RSBN1: variants seen among roughly 807,000 people sequenced by gnomAD.
RSBN1 encodes the protein lysine-specific demethylase 9.
In RSBN1, 23 loss-of-function variants were observed where a neutral mutation model predicts 74.8. The observed-to-expected ratio is 0.31, with a 90% CI of 0.22 to 0.44. The LOEUF (loss-of-function observed/expected upper bound fraction) is 0.44. Ranked by LOEUF, RSBN1 falls within the 20% of genes least tolerant of loss-of-function variation. RSBN1 has a pLI of 1.00. For missense variants in RSBN1, 808 were observed against 1,020.9 expected, an observed-to-expected ratio of 0.79 and a Z score of 2.84; for synonymous variants, 407 against 379.6, an observed-to-expected ratio of 1.07 and a Z score of -0.84.
At chr1:113,795,739 A>C (rs1045536473) in intron 2 of RSBN1, among the ~76,000 whole-genome samples, 2 of 152,238 alleles carry the variant, frequency 1.3e-5, no homozygotes, top group Non-Finnish European at 2.9e-5. Context: ...ATTTTAAAAA[A>C]TTAATTGGAG....
At chr1:113,811,400 A>AT (rs1285752966) in intron 1 of RSBN1, among the ~76,000 whole-genome samples, 1 of 152,200 alleles carries the variant, frequency 6.6e-6, no homozygotes, top group Non-Finnish European at 1.5e-5. Flanking sequence ...TTGGAAAGGC[A>AT]TTTTTTAGTA....
chr1:113,796,451 A>T (rs1660473875), intron 2 of RSBN1: 1 of 152,318 alleles, frequency 6.6e-6, no homozygotes, highest in South Asian at 2.1e-4. Context: ...TGAAACCACT[A>T]TAATTCAGGC....
At chr1:113,767,016 G>A (rs1294179373) in intron 6 of RSBN1, 83 bp downstream of exon 6, 3 of 709,380 alleles carry the variant, frequency 4.2e-6, no homozygotes, top group East Asian at 2.9e-5. Flanking sequence ...CCACATATCA[G>A]ACTGTAAGAT....
In RSBN1 at chr1:113,805,679, T is replaced by C. The variant is rs113429854; in HGVS notation, c.703+6031A>G. 4.4e-3 allele frequency among the ~76,000 whole-genome samples: 667 copies of C among 152,362 alleles called. 2 individuals carry two copies. Among genetic ancestry groups the C allele is most frequent in the African/African-American group, 0.015 (643 of 41,594 alleles). On this transcript the variant is annotated intron_variant, in intron 1 of 6. Transcript: ENST00000261441. ...GTTTTAAAGATGAACAAGTTTACCC[T>C]AGCATTTACAGATTAAATTTTTGTT...
chr1:113,812,320 T>A lies in RSBN1; in HGVS notation c.93A>T (p.Arg31=), dbSNP rs3789604. 45 of 1,603,654 alleles carry A rather than the reference T, an allele frequency of 2.8e-5. No homozygotes were observed. Among genetic ancestry groups the A allele is most frequent in the Non-Finnish European group, 3.6e-5 (43 of 1,179,772 alleles). ...GCCCGACCGCCCCCCCGTCCGCGCA[T>A]CGCGCAAGCGCCGCCCGCGCACTGC... ...PAGSARAALA[R]CADGGAVGPF... is the part of the protein sequence containing the mutation. The change falls in exon 1 of 7, where the codon CGA becomes CGT. Residue 31 remains arginine (R), a synonymous_variant. Coordinates refer to ENST00000261441, the MANE Select transcript of RSBN1 (RefSeq NM_018364.5).
At position 113,801,824 on chromosome 1, in the gene RSBN1, G is replaced by T. The variant is rs1450127149; in HGVS notation, c.704-3788C>A. On this transcript the variant is annotated intron_variant, in intron 1 of 6. Coordinates refer to ENST00000261441, the MANE Select transcript of RSBN1 (RefSeq NM_018364.5). The stretch of plus-strand genomic sequence containing the variant: ...CAAATTGCTGGCTGTCTTTAAAAAG[G>T]TAACTATTAATACATGACGTTATTA... 2.0e-5 allele frequency among the ~76,000 whole-genome samples: 3 copies of T among 152,144 alleles called. No individual in the cohort carries two copies. In the East Asian group the frequency reaches 5.8e-4, roughly 29 times the overall value.
intron 4 of RSBN1, among the ~76,000 whole-genome samples, chr1:113,768,644 C>T (rs1333375106): frequency 6.6e-6 from 1 of 152,090 alleles, no homozygotes; most frequent in Non-Finnish European, 1.5e-5. Context: ...AAATGTAGTG[C>T]TTCTGTTCTA....
intron 2 of RSBN1, among the ~76,000 whole-genome samples, chr1:113,779,334 A>G (rs1660091653): frequency 6.6e-6 from 1 of 152,208 alleles, no homozygotes; most frequent in African/African-American, 2.4e-5. Flanking sequence ...TTTTCCATAG[A>G]CAATTTAACA....
rs1659778136 is a variant in RSBN1, at chr1:113,766,207, G to A, written c.2182C>T (p.Arg728Ter). 1.2e-6 allele frequency: 2 copies of A among 1,614,036 alleles called. No individual in the cohort carries two copies. The highest frequency in any genetic ancestry group is 1.1e-5 in the South Asian group (1 of 91,080). ...SNMDCGLTGK[R>*]ELEVDSQCVR... The stretch of plus-strand genomic sequence containing the variant: ...CATTGGGAGTCAACTTCTAATTCTC[G>A]CTTTCCAGTTAAACCACAGTCCATG... Residue 728 changes from arginine to a stop codon, truncating the protein, a stop_gained, in exon 7 of 7, where the codon CGA becomes TGA. Coordinates refer to ENST00000261441, the MANE Select transcript of RSBN1 (RefSeq NM_018364.5). LOFTEE classifies it high-confidence loss of function.
chr1:113,784,628 C>T (rs1287232787), intron 2 of RSBN1, among the ~76,000 whole-genome samples: 1 of 152,182 alleles, frequency 6.6e-6, no homozygotes, highest in Non-Finnish European at 1.5e-5. Flanking sequence ...GTTCACACTC[C>T]TATGAGAATC....
chr1:113,801,278 C>T (rs1371689376), intron 1 of RSBN1, among the ~76,000 whole-genome samples: 1 of 152,288 alleles, frequency 6.6e-6, no homozygotes. Context: ...CCACGACGCC[C>T]GGCCTCAGCT....
chr1:113,767,130 T>C lies in RSBN1; in HGVS notation c.1904A>G (p.Gln635Arg), dbSNP rs1659796620. 6.2e-7 allele frequency: 1 copy of C among 1,609,866 alleles called. No individual in the cohort carries two copies. Among genetic ancestry groups the C allele is most frequent in the Admixed American group, 1.7e-5 (1 of 59,516 alleles). ...AACTGGAGGTTCATGAAGATCTAAC[T>C]GAAGTCTTTGTACAACATCAGTAAA... Reference protein sequence around the residue: ...EDFTDVVQRLQLDLHEPPVSQ... With the variant: ...EDFTDVVQRLRLDLHEPPVSQ... Residue 635 changes from glutamine (Q) to arginine (R), a missense_variant, in exon 6 of 7, where the codon CAG (glutamine) becomes CGG (arginine). Physicochemically the swap from Gln to Arg is conservative, Grantham distance 43 (BLOSUM62 1). This residue lies in a region of RSBN1 where 38 missense variants were observed against 120.6 expected (regional missense o/e 0.32). Coordinates refer to ENST00000261441, the MANE Select transcript of RSBN1 (RefSeq NM_018364.5).
chr1:113,768,182 C>T, intron 5 of RSBN1, 40 bp downstream of exon 5: 1 of 1,543,328 alleles, frequency 6.5e-7, no homozygotes, highest in Non-Finnish European at 8.8e-7. Context: ...TTGTCTTATA[C>T]AATATTAACC....
chr1:113,777,379 TA>T, intron 3 of RSBN1, 27 bp from the exon 4 acceptor site: 1 of 1,581,406 alleles, frequency 6.3e-7, no homozygotes, highest in Non-Finnish European at 8.6e-7. Flanking sequence ...TTAGTCACAT[TA>T]AAAAATTGTT....
chr1:113,806,838 CAA>C (rs140139729), intron 1 of RSBN1, among the ~76,000 whole-genome samples: 22,482 of 78,694 alleles, frequency 0.29, 2,623 homozygotes, highest in African/African-American at 0.49. Context: ...CTGCCTCTAT[CAA>C]AAAAAAAAAA....
intron 1 of RSBN1, among the ~76,000 whole-genome samples, chr1:113,805,178 G>A (rs1208730403): frequency 6.6e-6 from 1 of 151,692 alleles, no homozygotes; most frequent in African/African-American, 2.4e-5. Flanking sequence ...TGCAAGTGGC[G>A]CAATCTCAGC....
chr1:113,775,589 A>C (rs997852022), intron 4 of RSBN1, among the ~76,000 whole-genome samples: 1 of 151,196 alleles, frequency 6.6e-6, no homozygotes, highest in African/African-American at 2.4e-5. Flanking sequence ...TGCCTGCCTC[A>C]GCCTCCCAAA....
chr1:113,777,156 A>G, intron 4 of RSBN1, 54 bp downstream of exon 4: 1 of 1,541,018 alleles, frequency 6.5e-7, no homozygotes, highest in South Asian at 1.2e-5. Flanking sequence ...CATTTTTATA[A>G]GCAACCAACT....
At chr1:113,787,067 T>A (rs1660258627) in intron 2 of RSBN1, among the ~76,000 whole-genome samples, 1 of 152,220 alleles carries the variant, frequency 6.6e-6, no homozygotes, top group Non-Finnish European at 1.5e-5. Context: ...TTTATTGGGA[T>A]GGTGTTCAAT....
Sources: allele counts gnomAD v4.1 joint callset (sites outside exome capture counted in the v4.1 genomes callset), GRCh38; gene constraint gnomAD v4.1.1; regional missense constraint gnomAD v4.1.1; transcripts MANE v1.5; gene names NCBI Gene and HGNC (gene_info 2026-07-23, HGNC 2026-07-21).